ATP2B4: variants seen among roughly 807,000 people sequenced by gnomAD.
The protein encoded by ATP2B4 is ATPase plasma membrane Ca2+ transporting 4, also known as plasma membrane calcium-transporting ATPase 4.
A neutral mutation model predicts 110.3 loss-of-function variants in ATP2B4; 39 were observed. The ratio of observed to expected loss-of-function variants is 0.35; its 90% CI spans 0.27 to 0.46. The LOEUF is 0.46. Ranked by LOEUF, ATP2B4 falls within the 20% of genes least tolerant of loss-of-function variation. The pLI is 1.00. For missense variants in ATP2B4, 1,135 were observed against 1,530.9 expected, an observed-to-expected ratio of 0.74 and a Z score of 4.32; for synonymous variants, 538 against 571.7, an observed-to-expected ratio of 0.94 and a Z score of 0.84.
At chr1:203,671,219 G>A (rs1442900999) in intron 1 of ATP2B4, among the ~76,000 whole-genome samples, 1 of 152,156 alleles carries the variant, frequency 6.6e-6, no homozygotes, top group East Asian at 1.9e-4. Context: ...ATATTTATTA[G>A]TCAGTTCACG....
chr1:203,647,619 C>T (rs1283209342), intron 1 of ATP2B4, among the ~76,000 whole-genome samples: 3 of 151,748 alleles, frequency 2.0e-5, no homozygotes, highest in Admixed American at 1.3e-4. Flanking sequence ...ATTAGCTGAG[C>T]GTGGTAGTGC....
rs1352704642 is a variant in ATP2B4 at position 203,702,182 on chromosome 1, A to T, written c.937+103A>T. The T allele has an allele frequency of 1.3e-5, 19 of 1,451,850 alleles. 1 individual carries two copies. In the Admixed American group the frequency reaches 3.3e-4, roughly 25 times the overall value. The allele number at this position is 1,451,850 out of a possible 1,614,324, so 89.9% of individuals were successfully genotyped here. On this transcript the variant is annotated intron_variant, in intron 7 of 20. Coordinates refer to ENST00000357681, the MANE Select transcript of ATP2B4 (RefSeq NM_001684.5). ...CCCTTTTCCTCTCCATAAATCTGTT[A>T]TCTGCTGCTGTGGCTCAGATGCCTC... is the stretch of plus-strand genomic sequence containing the variant.
intron 9 of ATP2B4, 50 bp from the exon 10 acceptor site, chr1:203,707,812 G>A: frequency 6.2e-7 from 1 of 1,604,580 alleles, no homozygotes; most frequent in Non-Finnish European, 8.5e-7. Context: ...CCTAGATTTA[G>A]GAGAGTCCAG....
At chr1:203,736,470 C>CCG (rs1666880740) in intron 20 of ATP2B4, among the ~76,000 whole-genome samples, 4 of 151,530 alleles carry the variant, frequency 2.6e-5, no homozygotes, top group Admixed American at 1.3e-4. Context: ...CTCCATCCCC[C>CCG]CCAAAAAAAA....
Position 203,740,067 on chromosome 1 carries a change from A to C in ATP2B4, c.*213A>C, listed in dbSNP as rs911746845. ...TGACTTGGGGTTTGTAGCGGGACCC[A>C]GTCAAACCCCATTCAGGTCATGGTA... On this transcript the variant is annotated 3_prime_UTR_variant, in exon 21 of 21. Coordinates refer to ENST00000357681, the MANE Select transcript of ATP2B4 (RefSeq NM_001684.5). The C allele has an allele frequency of 3.5e-6, 2 of 576,308 alleles. No homozygotes were observed. The highest frequency in any genetic ancestry group is 3.3e-5 in the Admixed American group (1 of 30,266). 35.7% of individuals were successfully genotyped at this position (576,308 alleles called of 1,614,324 possible).
intron 2 of ATP2B4, among the ~76,000 whole-genome samples, chr1:203,690,102 A>T (rs1348967253): frequency 2.0e-5 from 3 of 152,242 alleles, no homozygotes; most frequent in Non-Finnish European, 4.4e-5. Flanking sequence ...TAAGACGGCC[A>T]ACCCAAATTA....
rs529873629 is a variant in ATP2B4 at position 203,726,023 on chromosome 1, C to T, written c.3133-1372C>T. 6.7e-5 allele frequency among the ~76,000 whole-genome samples: 9 copies of T among 134,098 alleles called. No homozygotes were observed. In the East Asian group the frequency reaches 1.3e-3, roughly 20 times the overall value. 88.0% of individuals were successfully genotyped at this position (134,098 alleles called of 152,430 possible). A position where few individuals can be genotyped will look rare whatever the true frequency, so the allele number is the denominator to read the frequency against. ...AGCAGATCACCTGAGGTCAGGAGTTCGAGACCAGCCTGGCCAACATGGTGA... is the reference window on the plus strand; with the variant it reads ...AGCAGATCACCTGAGGTCAGGAGTTTGAGACCAGCCTGGCCAACATGGTGA... On this transcript the variant is annotated intron_variant, in intron 19 of 20. Transcript: ENST00000357681.
chr1:203,700,917 A>C lies in ATP2B4; in HGVS notation c.895A>C (p.Lys299Gln), dbSNP rs1665672393. The change falls in exon 6 of 21, where the codon AAG becomes CAG. Residue 299 changes from lysine to glutamine, a missense_variant. Around this residue, in one of 9 missense-constraint regions of ATP2B4, gnomAD observed 162 missense variants for 210.5 expected, o/e 0.77. Transcript: ENST00000357681. Reference sequence around the variant, plus strand: ...TGAGGATGACGAAGGGGAGAAAAAGAAGAAAGGTAAGGGGCATCTGGAATG... The same window carrying C: ...TGAGGATGACGAAGGGGAGAAAAAGCAGAAAGGTAAGGGGCATCTGGAATG... ...VNEDDEGEKK[K>Q]KGKKQGVPEN... is the part of the protein sequence containing the mutation. 1 of 1,612,686 alleles carries C rather than the reference A, an allele frequency of 6.2e-7. No individual in the cohort carries two copies. Among genetic ancestry groups the C allele is most frequent in the Non-Finnish European group, 8.5e-7 (1 of 1,179,168 alleles).
At chr1:203,731,075 C>T (rs1012727461) in intron 20 of ATP2B4, among the ~76,000 whole-genome samples, 13 of 152,138 alleles carry the variant, frequency 8.5e-5, no homozygotes, top group Non-Finnish European at 1.5e-5. Flanking sequence ...CCTTGTAACT[C>T]CAATAAGCAC....
intron 19 of ATP2B4, among the ~76,000 whole-genome samples, chr1:203,726,575 A>G (rs1324978117): frequency 6.6e-6 from 1 of 152,006 alleles, no homozygotes; most frequent in Non-Finnish European, 1.5e-5. Flanking sequence ...TTCCTTCTGT[A>G]TCACAACAGC....
intron 13 of ATP2B4, among the ~76,000 whole-genome samples, chr1:203,712,419 C>T (rs191361820): frequency 7.9e-5 from 12 of 152,036 alleles, no homozygotes; most frequent in South Asian, 2.1e-4. Context: ...GGTGAAACCC[C>T]GTCTCTACCA....
At chr1:203,691,077 G>A (rs1019526769) in intron 2 of ATP2B4, among the ~76,000 whole-genome samples, 6 of 152,172 alleles carry the variant, frequency 3.9e-5, no homozygotes, top group African/African-American at 1.4e-4. Context: ...TGGGTTCACT[G>A]TCATAATGCT....
chr1:203,632,917 T>G (rs959106276), intron 1 of ATP2B4, among the ~76,000 whole-genome samples: 13 of 147,196 alleles, frequency 8.8e-5, no homozygotes, highest in African/African-American at 3.5e-4. Flanking sequence ...TCTTTCGGGG[T>G]TTTTTTGTAT....
chr1:203,664,433 C>T (rs887303630), intron 1 of ATP2B4, among the ~76,000 whole-genome samples: 2 of 152,240 alleles, frequency 1.3e-5, no homozygotes, highest in Admixed American at 6.5e-5. Flanking sequence ...GATACTTGAT[C>T]TTCATCCAAG....
Position 203,636,408 on chromosome 1 carries a change from C to G in ATP2B4, c.-465+9189C>G, listed in dbSNP as rs138118258. 2.9e-3 allele frequency among the ~76,000 whole-genome samples: 437 copies of G among 152,288 alleles called. 2 individuals carry two copies. Among genetic ancestry groups the G allele is most frequent in the African/African-American group, 0.01 (420 of 41,564 alleles). ...GGCTTCTCTCTCTCTTTTTCTCCCT[C>G]TCTTCTCCTGGAAACCCTGGGGCTA... On this transcript the variant is annotated intron_variant, in intron 1 of 20. Coordinates refer to ENST00000357681, the MANE Select transcript of ATP2B4 (RefSeq NM_001684.5).
intron 2 of ATP2B4, among the ~76,000 whole-genome samples, chr1:203,695,144 G>C (rs1005139727): frequency 6.6e-6 from 1 of 152,158 alleles, no homozygotes; most frequent in African/African-American, 2.4e-5. Flanking sequence ...AAGAAGGAAA[G>C]GGCATCTACT....
At chr1:203,631,618 C>T (rs866935279) in intron 1 of ATP2B4, among the ~76,000 whole-genome samples, 35 of 152,240 alleles carry the variant, frequency 2.3e-4, no homozygotes, top group Admixed American at 3.9e-4. Context: ...TCCCAGGCTC[C>T]GTGCTGGGCG....
intron 3 of ATP2B4, 106 bp downstream of exon 3, chr1:203,698,460 C>T (rs1288722861): frequency 8.1e-7 from 1 of 1,233,182 alleles, no homozygotes; most frequent in Non-Finnish European, 1.1e-6. Context: ...AAAACATTTC[C>T]CCCATTATCC....
chr1:203,639,746 T>A (rs1248686701), intron 1 of ATP2B4, among the ~76,000 whole-genome samples: 1 of 152,216 alleles, frequency 6.6e-6, no homozygotes, highest in Non-Finnish European at 1.5e-5. Flanking sequence ...GGCCTCCCAG[T>A]GTTACCTGAC....
Sources: allele counts gnomAD v4.1 joint callset (sites outside exome capture counted in the v4.1 genomes callset), GRCh38; gene constraint gnomAD v4.1.1; regional missense constraint gnomAD v4.1.1; transcripts MANE v1.5; gene names NCBI Gene and HGNC (gene_info 2026-07-23, HGNC 2026-07-21).